The following KNTC1 variants were observed in gnomAD, a reference collection of about 807,000 sequenced individuals.
The protein encoded by KNTC1 is kinetochore-associated protein 1.
KNTC1 carries 253 observed loss-of-function variants against 314.4 expected under a neutral mutation model. That is an observed-to-expected ratio of 0.80 (90% CI 0.73 to 0.89). The LOEUF (loss-of-function observed/expected upper bound fraction) is 0.89. KNTC1 is among the 40% of genes least tolerant of loss of function. KNTC1 has a pLI of 0.00. For synonymous variants in KNTC1, 901 were observed against 901.4 expected (o/e 1.00, Z 0.01); for missense variants, 2,475 against 2,572.9 (o/e 0.96, Z 0.82).
chr12:122,574,260 A>G (rs1964882203), intron 26 of KNTC1, 22 bp from the exon 27 acceptor site: 2 of 1,420,974 alleles, frequency 1.4e-6, no homozygotes, highest in Non-Finnish European at 2.0e-6. Context: ...TTTAAAAAAC[A>G]TACATGTTTA....
intron 63 of KNTC1, 48 bp downstream of exon 63, chr12:122,624,736 T>A: frequency 7.6e-7 from 1 of 1,308,074 alleles, no homozygotes; most frequent in South Asian, 1.2e-5. Context: ...ATTGTTTATA[T>A]TCCTAGGGCC....
intron 2 of KNTC1, among the ~76,000 whole-genome samples, chr12:122,533,201 C>T (rs1291111448): frequency 6.7e-6 from 1 of 149,760 alleles, no homozygotes. Context: ...GAGTCTTGCT[C>T]TGTTGCCCAG....
In KNTC1 at chr12:122,541,287, GCCTT is replaced by G. The variant is rs1555222321; in HGVS notation, c.446-728_446-725del. Among the ~76,000 whole-genome samples the G allele has an allele frequency of 8.8e-4, 107 of 120,980 alleles. 1 individual carries two copies. Among genetic ancestry groups the G allele is most frequent in the South Asian group, 1.4e-3 (5 of 3,630 alleles). 79.4% of individuals were successfully genotyped at this position (120,980 alleles called of 152,430 possible). ...TGCCTGCCTGCCTGCCTGCCTGCCT[GCCTT>G]CCTTCCTTCCTTCCTTCCTTCCTTC... On this transcript the variant is annotated intron_variant, in intron 5 of 63. Coordinates refer to ENST00000333479, the MANE Select transcript of KNTC1 (RefSeq NM_014708.6).
chr12:122,529,298 C>T (rs1961109283), intron 1 of KNTC1, among the ~76,000 whole-genome samples: 1 of 152,186 alleles, frequency 6.6e-6, no homozygotes, highest in Admixed American at 6.5e-5. Flanking sequence ...AAACATACTT[C>T]TAGTAGCACT....
At chr12:122,531,757 G>A (rs2137642528) in intron 2 of KNTC1, among the ~76,000 whole-genome samples, 1 of 152,092 alleles carries the variant, frequency 6.6e-6, no homozygotes, top group African/African-American at 2.4e-5. Flanking sequence ...TGTTTGAGAT[G>A]GAGTCTTGCT....
intron 51 of KNTC1, among the ~76,000 whole-genome samples, chr12:122,607,832 AT>A (rs1872709372): frequency 1.3e-5 from 2 of 152,040 alleles, no homozygotes; most frequent in Non-Finnish European, 2.9e-5. Flanking sequence ...GTTTCTTGTG[AT>A]TTGATTCAGG....
rs114151388 is a variant in KNTC1, at chr12:122,546,152, T to G, written c.670-24T>G. The G allele has an allele frequency of 2.1e-3, 2,982 of 1,445,564 alleles. 47 individuals carry two copies. The African/African-American group carries it at 0.037, about 18-fold the overall frequency. 89.5% of individuals were successfully genotyped at this position (1,445,564 alleles called of 1,614,324 possible). A position where few individuals can be genotyped will look rare whatever the true frequency, so the allele number is the denominator to read the frequency against. ...AGGTCTAAGAATGAAATTTGCATTT[T>G]AAGTACTGTGTTCATTTTTCCAGGG... On this transcript the variant is annotated intron_variant, in intron 8 of 63. Transcript: ENST00000333479.
At chr12:122,559,048 A>G (rs1448637941) in intron 18 of KNTC1, among the ~76,000 whole-genome samples, 1 of 152,092 alleles carries the variant, frequency 6.6e-6, no homozygotes, top group African/African-American at 2.4e-5. Context: ...TTCACTTAGC[A>G]TAATATTTTC....
At chr12:122,549,901 A>G in intron 13 of KNTC1, 37 bp downstream of exon 13, 2 of 1,164,448 alleles carry the variant, frequency 1.7e-6, no homozygotes, top group Non-Finnish European at 2.5e-6. Context: ...TCTTTTAACT[A>G]CTTTTTTCTT....
At chr12:122,571,900 T>C (rs1221722604) in intron 24 of KNTC1, among the ~76,000 whole-genome samples, 2 of 151,932 alleles carry the variant, frequency 1.3e-5, no homozygotes, top group East Asian at 3.9e-4. Context: ...CTCAAATTCC[T>C]GACCTCAGAT....
At chr12:122,540,014 A>C (rs992361767) in intron 5 of KNTC1, among the ~76,000 whole-genome samples, 6 of 151,874 alleles carry the variant, frequency 4.0e-5, no homozygotes, top group Admixed American at 1.3e-4. Context: ...TCCTGACCTC[A>C]AGTGAGTGAT....
At chr12:122,572,839 C>A (rs977178356) in intron 24 of KNTC1, 98 bp from the exon 25 acceptor site, 1 of 1,002,394 alleles carries the variant, frequency 1.0e-6, no homozygotes, top group East Asian at 2.7e-5. Context: ...ACGTGCATAA[C>A]CAGGGTTAAT....
chr12:122,618,644 G>GCTTAACTTCCTAACAA, intron 59 of KNTC1, 99 bp downstream of exon 59: 1 of 901,106 alleles, frequency 1.1e-6, no homozygotes, highest in Non-Finnish European at 1.8e-6. Context: ...TTTTTGTTAG[G>GCTTAACTTCCTAACAA]AAGTTAAGCA....
intron 63 of KNTC1, among the ~76,000 whole-genome samples, chr12:122,625,681 C>T (rs1874960182): frequency 6.6e-6 from 1 of 151,940 alleles, no homozygotes; most frequent in Non-Finnish European, 1.5e-5. Flanking sequence ...ACTACCCAGA[C>T]ATAGGATCAC....
intron 6 of KNTC1, among the ~76,000 whole-genome samples, chr12:122,543,205 G>A (rs779103673): frequency 3.3e-5 from 5 of 152,156 alleles, no homozygotes; most frequent in African/African-American, 4.8e-5. Flanking sequence ...GAGCCACTGC[G>A]CCCGGCCTAA....
chr12:122,592,890 CT>C (rs1870480112), intron 42 of KNTC1: 1 of 152,366 alleles, frequency 6.6e-6, no homozygotes, highest in Non-Finnish European at 1.5e-5. Context: ...ACTGCTCACT[CT>C]TTGGGTCCAC....
chr12:122,581,696 T>C (rs1868415059), intron 33 of KNTC1, among the ~76,000 whole-genome samples: 1 of 151,960 alleles, frequency 6.6e-6, no homozygotes, highest in African/African-American at 2.4e-5. Context: ...GGTTTTGCCA[T>C]GTTTGCCAGG....
intron 43 of KNTC1, chr12:122,597,124 T>C (rs1447455045): frequency 2.0e-5 from 3 of 152,564 alleles, no homozygotes; most frequent in Non-Finnish European, 2.9e-5. Flanking sequence ...TTTTTCTTCT[T>C]AGGTGAAATT....
rs138125424 is a variant in KNTC1, at chr12:122,530,377, C to CA, written c.129+186dup. Among the ~76,000 whole-genome samples the CA allele has an allele frequency of 8.4e-3, 1,281 of 152,160 alleles. 19 individuals are homozygous for CA. Among genetic ancestry groups the CA allele is most frequent in the Admixed American group, 0.024 (366 of 15,294 alleles). On this transcript the variant is annotated intron_variant, in intron 2 of 63. Coordinates refer to ENST00000333479, the MANE Select transcript of KNTC1 (RefSeq NM_014708.6). Reference sequence around the variant, plus strand: ...TGCATCATGTCAGGATCAGTATTTTCACAACTGAAGGATTCTTAGTTCCTC... The same window carrying CA: ...TGCATCATGTCAGGATCAGTATTTTCAACAACTGAAGGATTCTTAGTTCCTC...
Sources: gnomAD v4.1 joint callset for allele counts (sites outside exome capture counted in the v4.1 genomes callset) on GRCh38, gnomAD v4.1.1 for gene constraint, MANE v1.5 for transcripts, NCBI Gene and HGNC (gene_info 2026-07-23, HGNC 2026-07-21) for gene names.